The following PIEZO2 variants were observed in gnomAD, a reference collection of about 807,000 sequenced individuals.
PIEZO2 encodes piezo-type mechanosensitive ion channel component 2.
Under a neutral mutation model 337.3 loss-of-function variants are expected in PIEZO2, and 172 were observed. The ratio of observed to expected loss-of-function variants is 0.51; its 90% CI spans 0.45 to 0.58. The LOEUF (loss-of-function observed/expected upper bound fraction) is 0.58. Among genes scored for constraint, PIEZO2 ranks in the 20% least tolerant of loss-of-function variants. PIEZO2 has a pLI of 0.00. For synonymous variants in PIEZO2, 1,251 were observed against 1,228.5 expected (o/e 1.02, Z -0.38); for missense variants, 3,028 against 3,391.3 (o/e 0.89, Z 2.66).
chr18:11,148,664 C>T lies in PIEZO2; in HGVS notation c.-76G>A. The T allele has an allele frequency of 1.4e-6, 2 of 1,463,668 alleles. No homozygotes were observed. Among genetic ancestry groups the T allele is most frequent in the Non-Finnish European group, 9.2e-7 (1 of 1,082,282 alleles). The allele number at this position is 1,463,668 out of a possible 1,614,324, so 90.7% of individuals were successfully genotyped here. ...GGGGTGGTGGGACGCAAGGCCCATG[C>T]CCGTCTATGGCCTCTCGCCGCCGGC... is the stretch of plus-strand genomic sequence containing the variant. On this transcript the variant is annotated 5_prime_UTR_variant, in exon 1 of 56. Coordinates refer to ENST00000674853, the MANE Select transcript of PIEZO2 (RefSeq NM_001378183.1). The surrounding 1 kb of genome is among the most constrained non-coding windows in gnomAD (Gnocchi z 5.2).
chr18:11,149,055 C>T lies in PIEZO2; in HGVS notation c.-467G>A, dbSNP rs998050427. Among the ~76,000 whole-genome samples, 7 of 152,020 alleles carry T rather than the reference C, an allele frequency of 4.6e-5. No individual in the cohort carries two copies. Among genetic ancestry groups the T allele is most frequent in the African/African-American group, 1.7e-4 (7 of 41,414 alleles). On this transcript the variant is annotated 5_prime_UTR_variant, in exon 1 of 56. Transcript: ENST00000674853. The surrounding 1 kb of genome is among the most constrained non-coding windows in gnomAD (Gnocchi z 8.7). ...GCCGGGGAGTTTTCTACTTGGAAGC[C>T]CCTCTGAAGCCACCGCGTCTCCTTT...
intron 1 of PIEZO2, among the ~76,000 whole-genome samples, chr18:11,086,562 G>A (rs1442142311): frequency 6.6e-6 from 1 of 151,930 alleles, no homozygotes; most frequent in Non-Finnish European, 1.5e-5. Context: ...AGGCTAATGA[G>A]ACTGATAAAT....
At chr18:10,891,489 T>G (rs2042754435) in intron 4 of PIEZO2, among the ~76,000 whole-genome samples, 1 of 152,194 alleles carries the variant, frequency 6.6e-6, no homozygotes, top group Admixed American at 6.5e-5. Flanking sequence ...TTTTCCAGAA[T>G]GCAGAAAGAC....
intron 15 of PIEZO2, among the ~76,000 whole-genome samples, chr18:10,788,176 C>A (rs749518131): frequency 2.0e-5 from 3 of 152,068 alleles, no homozygotes; most frequent in Admixed American, 2.0e-4. Context: ...CCGAGGAGGG[C>A]AGATCGCTTG....
rs1182710639 is a variant in PIEZO2, at chr18:10,699,060, T to C, written c.6559A>G (p.Ile2187Val). ...RRDSSDSLKS[I>V]NLAASVESVH... ...GACTCCACAGACGCGGCCAGGTTGA[T>C]GGACTTGAGAGAATCGGAGGAGTCC... The change falls in exon 44 of 56, where the codon ATC becomes GTC. Residue 2187 changes from isoleucine (I) to valine (V), a missense_variant. Around this residue, in one of 5 missense-constraint regions of PIEZO2, gnomAD observed 1,925 missense variants for 2,051.9 expected, o/e 0.94. Coordinates refer to ENST00000674853, the MANE Select transcript of PIEZO2 (RefSeq NM_001378183.1). The C allele has an allele frequency of 1.1e-5, 17 of 1,537,082 alleles. No individual in the cohort carries two copies. The highest frequency in any genetic ancestry group is 4.9e-5 in the East Asian group (2 of 40,930).
At chr18:10,731,175 GATTATATATATATATATATATATATATAT>G (rs201644773) in intron 36 of PIEZO2, among the ~76,000 whole-genome samples, 14 of 117,780 alleles carry the variant, frequency 1.2e-4, no homozygotes, top group South Asian at 3.1e-4. Flanking sequence ...CTACTTAAAA[GATTATATATATATATATATATATATATAT>G]ATATATATAT....
chr18:10,841,287 T>G (rs1468713609), intron 7 of PIEZO2, among the ~76,000 whole-genome samples: 2 of 152,106 alleles, frequency 1.3e-5, no homozygotes, highest in Non-Finnish European at 2.9e-5. Context: ...TGCTCAAGCT[T>G]ACTGCATCAA....
At chr18:11,106,128 C>T (rs2039552243) in intron 1 of PIEZO2, among the ~76,000 whole-genome samples, 1 of 152,170 alleles carries the variant, frequency 6.6e-6, no homozygotes, top group Non-Finnish European at 1.5e-5. Flanking sequence ...GGCTCTGTCG[C>T]CCAGGCTGGA....
At position 10,684,118 on chromosome 18, in the gene PIEZO2, TTCTTTCTC is replaced by T. The variant is rs1286224682; in HGVS notation, c.7498-1834_7498-1827del. Among the ~76,000 whole-genome samples the T allele has an allele frequency of 2.9e-3, 410 of 142,542 alleles. 1 individual carries two copies. Among genetic ancestry groups the T allele is most frequent in the African/African-American group, 0.01 (386 of 38,334 alleles). 93.5% of individuals were successfully genotyped at this position (142,542 alleles called of 152,430 possible). The stretch of plus-strand genomic sequence containing the variant: ...CTTCTTTCTCTCTCTCTTTCTTTCT[TTCTTTCTC>T]TCTCTCTCTTTCTTTCTCTGTCTTT... On this transcript the variant is annotated intron_variant, in intron 49 of 55. Transcript: ENST00000674853.
chr18:10,676,282 C>A lies in PIEZO2; in HGVS notation c.8082-994G>T, dbSNP rs905070590. ...TCTCAGTCTGGGAACATTTCTAAGG[C>A]CTGCACCCTGGTGATCCATATATTC... is the stretch of plus-strand genomic sequence containing the variant. On this transcript the variant is annotated intron_variant, in intron 53 of 55. Coordinates refer to ENST00000674853, the MANE Select transcript of PIEZO2 (RefSeq NM_001378183.1). The surrounding 1 kb of genome is among the most constrained non-coding windows in gnomAD (Gnocchi z 5.1). Among the ~76,000 whole-genome samples, 1 of 152,176 alleles carries A rather than the reference C, an allele frequency of 6.6e-6. No homozygotes were observed. Among genetic ancestry groups the A allele is most frequent in the African/African-American group, 2.4e-5 (1 of 41,448 alleles).
At chr18:11,034,576 A>G (rs2036858726) in intron 2 of PIEZO2, among the ~76,000 whole-genome samples, 1 of 152,144 alleles carries the variant, frequency 6.6e-6, no homozygotes, top group Admixed American at 6.5e-5. Context: ...TACAGGCGTG[A>G]GCCACGCGCC....
Position 10,724,643 on chromosome 18 carries a change from C to T in PIEZO2, c.5030-6384G>A, listed in dbSNP as rs1030524244. 9.6e-6 allele frequency: 7 copies of T among 732,848 alleles called. No homozygotes were observed. The highest frequency in any genetic ancestry group is 3.6e-5 in the South Asian group (2 of 55,082). The allele number at this position is 732,848 out of a possible 1,614,324, so 45.4% of individuals were successfully genotyped here. A position where few individuals can be genotyped will look rare whatever the true frequency, so the allele number is the denominator to read the frequency against. On this transcript the variant is annotated intron_variant, in intron 36 of 55. Transcript: ENST00000674853. This position sits in a 1 kb window ranked among gnomAD's most constrained non-coding sequence, Gnocchi z 5.8. ...ATGGTGCTGGACTCGGGGTCTCAGG[C>T]GTATGATCAGGCACCCACCAGCCCA...
chr18:10,839,003 A>C (rs1262114014), intron 7 of PIEZO2, among the ~76,000 whole-genome samples: 1 of 152,244 alleles, frequency 6.6e-6, no homozygotes, highest in African/African-American at 2.4e-5. Flanking sequence ...GCCACATTTT[A>C]AAGTCTTACA....
chr18:11,101,167 A>T lies in PIEZO2; in HGVS notation c.65-34945T>A, dbSNP rs1466341942. ...GTGGAATCCTAAATCAGGTTCATCC[A>T]CTCAAGCCCATTTTGGGCTCATTCC... is the stretch of plus-strand genomic sequence containing the variant. On this transcript the variant is annotated intron_variant, in intron 1 of 55. Coordinates refer to ENST00000674853, the MANE Select transcript of PIEZO2 (RefSeq NM_001378183.1). The surrounding 1 kb of genome is among the most constrained non-coding windows in gnomAD (Gnocchi z 4.4). 6.6e-6 allele frequency among the ~76,000 whole-genome samples: 1 copy of T among 152,156 alleles called. No homozygotes were observed. The highest frequency in any genetic ancestry group is 1.5e-5 in the Non-Finnish European group (1 of 68,018).
intron 42 of PIEZO2, among the ~76,000 whole-genome samples, chr18:10,703,336 T>C: frequency 6.6e-6 from 1 of 152,228 alleles, no homozygotes; most frequent in South Asian, 2.1e-4. Context: ...AGTTTAGGGA[T>C]GATTAACTTG....
In PIEZO2 at chr18:10,952,388, T is replaced by C. The variant is rs1004222758; in HGVS notation, c.286+27147A>G. Among the ~76,000 whole-genome samples, 25 of 151,966 alleles carry C rather than the reference T, an allele frequency of 1.6e-4. No homozygotes were observed. The highest frequency in any genetic ancestry group is 5.6e-4 in the African/African-American group (23 of 41,282). On this transcript the variant is annotated intron_variant, in intron 3 of 55. Transcript: ENST00000674853. This position sits in a 1 kb window ranked among gnomAD's most constrained non-coding sequence, Gnocchi z 4.1. ...TGGTCATTGTAGTCAGCCACTCCCCTGATCCTCCACCCCATGGTGAGCAAT... is the reference window on the plus strand; with the variant it reads ...TGGTCATTGTAGTCAGCCACTCCCCCGATCCTCCACCCCATGGTGAGCAAT...
chr18:10,765,209 C>CAGG, intron 21 of PIEZO2, among the ~76,000 whole-genome samples: 1 of 152,316 alleles, frequency 6.6e-6, no homozygotes, highest in South Asian at 2.1e-4. Flanking sequence ...GACGAATAAA[C>CAGG]AGGAGTTAGA....
At chr18:10,804,068 C>G in intron 8 of PIEZO2, 74 bp from the exon 9 acceptor site, 2 of 1,485,300 alleles carry the variant, frequency 1.3e-6, no homozygotes, top group South Asian at 2.6e-5. Context: ...CAAGACAGAG[C>G]TTTTCATTTT....
chr18:11,111,193 C>T lies in PIEZO2; in HGVS notation c.64+37332G>A, dbSNP rs1012812139. ...GCCTGGGAGTGTCAGAGGGCTCTGA[C>T]GCCAGCCCAGGACTCTGGCCGCACC... On this transcript the variant is annotated intron_variant, in intron 1 of 55. Transcript: ENST00000674853. The surrounding 1 kb of genome is among the most constrained non-coding windows in gnomAD (Gnocchi z 6.2). 1.3e-5 allele frequency among the ~76,000 whole-genome samples: 2 copies of T among 152,248 alleles called. No homozygotes were observed. Among genetic ancestry groups the T allele is most frequent in the Non-Finnish European group, 1.5e-5 (1 of 68,018 alleles).
Sources: allele counts gnomAD v4.1 joint callset (sites outside exome capture counted in the v4.1 genomes callset), GRCh38; gene constraint gnomAD v4.1.1; regional missense constraint gnomAD v4.1.1; non-coding constraint Gnocchi (gnomAD v3.1); transcripts MANE v1.5; gene names NCBI Gene and HGNC (gene_info 2026-07-23, HGNC 2026-07-21).